RBFOX1: variants seen among roughly 807,000 people sequenced by gnomAD.
RBFOX1 encodes RNA binding protein fox-1 homolog 1.
A neutral mutation model predicts 57.7 loss-of-function variants in RBFOX1; 8 were observed. The observed-to-expected ratio is 0.14, with a 90% CI of 0.08 to 0.25. The LOEUF is 0.25. Ranked by LOEUF, RBFOX1 falls within the 10% of genes least tolerant of loss-of-function variation. The pLI is 1.00. For missense variants in RBFOX1, 611 were observed against 548.5 expected (o/e 1.11, Z -1.14); for synonymous variants, 326 against 222.4 (o/e 1.47, Z -4.15).
intron 2 of RBFOX1, among the ~76,000 whole-genome samples, chr16:6,634,728 GAT>G (rs1408507727): frequency 1.5e-5 from 2 of 136,766 alleles, no homozygotes; most frequent in Admixed American, 7.4e-5. Context: ...ATAATACAAA[GAT>G]ATATTTGTAT....
chr16:6,966,952 A>T (rs935792342), intron 3 of RBFOX1, among the ~76,000 whole-genome samples: 1 of 151,610 alleles, frequency 6.6e-6, no homozygotes, highest in African/African-American at 2.4e-5. Flanking sequence ...CCTACCTATT[A>T]TCTATTTGCC....
At chr16:7,154,796 A>C (rs935471764) in intron 4 of RBFOX1, among the ~76,000 whole-genome samples, 4 of 151,602 alleles carry the variant, frequency 2.6e-5, no homozygotes, top group African/African-American at 9.7e-5. Flanking sequence ...TACATATTTT[A>C]CCAAATGCTT....
At position 6,829,671 on chromosome 16, in the gene RBFOX1, G is replaced by T. The variant is rs567120684; in HGVS notation, c.-16+175021G>T. On this transcript the variant is annotated intron_variant, in intron 3 of 15. Coordinates refer to ENST00000550418, the MANE Select transcript of RBFOX1 (RefSeq NM_018723.4). Reference sequence around the variant, plus strand: ...TACGGCAGTGCAGGGGCGTGATCTTGGCTCACTACAACCTCCGTCTCCTGG... The same window carrying T: ...TACGGCAGTGCAGGGGCGTGATCTTTGCTCACTACAACCTCCGTCTCCTGG... Among the ~76,000 whole-genome samples, 48 of 152,076 alleles carry T rather than the reference G, an allele frequency of 3.2e-4. No homozygotes were observed. In the South Asian group the frequency reaches 8.7e-3, roughly 28 times the overall value.
intron 1 of RBFOX1, among the ~76,000 whole-genome samples, chr16:6,248,116 A>G (rs1251427319): frequency 2.0e-5 from 3 of 152,196 alleles, no homozygotes; most frequent in Admixed American, 1.3e-4. Context: ...CTTCCATAAT[A>G]GGAGCCAGTG....
intron 2 of RBFOX1, among the ~76,000 whole-genome samples, chr16:5,544,728 CTA>C (rs1384374728): frequency 6.6e-6 from 1 of 152,040 alleles, no homozygotes; most frequent in Admixed American, 6.6e-5. Context: ...TAAGGCATAA[CTA>C]TATCTTAAAG....
intron 4 of RBFOX1, among the ~76,000 whole-genome samples, chr16:7,159,628 C>G (rs1022239787): frequency 6.6e-6 from 1 of 152,154 alleles, no homozygotes; most frequent in African/African-American, 2.4e-5. Context: ...TCCCGCTTAT[C>G]GTGTGTGTTT....
intron 4 of RBFOX1, among the ~76,000 whole-genome samples, chr16:7,445,322 C>A (rs887923882): frequency 2.6e-5 from 4 of 152,140 alleles, no homozygotes; most frequent in African/African-American, 9.7e-5. Flanking sequence ...AGCTTCTGAA[C>A]AATAGCACTC....
At chr16:7,471,430 C>A (rs1474543110) in intron 4 of RBFOX1, among the ~76,000 whole-genome samples, 1 of 152,092 alleles carries the variant, frequency 6.6e-6, no homozygotes, top group Non-Finnish European at 1.5e-5. Context: ...AAAGTTTGCA[C>A]CACCTGATGT....
intron 2 of RBFOX1, among the ~76,000 whole-genome samples, chr16:6,652,142 G>C (rs1198949752): frequency 6.6e-6 from 1 of 152,080 alleles, no homozygotes; most frequent in Non-Finnish European, 1.5e-5. Context: ...AATCCAATAG[G>C]ATTGGTGGCC....
At chr16:5,464,713 G>T (rs935879099) in intron 1 of RBFOX1, among the ~76,000 whole-genome samples, 2 of 152,214 alleles carry the variant, frequency 1.3e-5, no homozygotes, top group African/African-American at 4.8e-5. Context: ...ATGGCAAGAA[G>T]CAAAGAAAAC....
chr16:5,536,730 A>G (rs1328122500), intron 2 of RBFOX1, among the ~76,000 whole-genome samples: 3 of 152,126 alleles, frequency 2.0e-5, no homozygotes, highest in African/African-American at 7.2e-5. Flanking sequence ...GAAATGGGTC[A>G]ACAGGGAGCA....
chr16:5,362,352 A>C (rs2065576536), intron 1 of RBFOX1, among the ~76,000 whole-genome samples: 1 of 151,854 alleles, frequency 6.6e-6, no homozygotes, highest in Admixed American at 6.6e-5. Flanking sequence ...CACCACGCCC[A>C]GATGGTTTTT....
intron 3 of RBFOX1, among the ~76,000 whole-genome samples, chr16:6,803,329 A>C (rs1833095847): frequency 1.3e-5 from 2 of 152,196 alleles, no homozygotes; most frequent in Non-Finnish European, 1.5e-5. Context: ...TTGGAAGCAG[A>C]AAACTACAGC....
intron 11 of RBFOX1, among the ~76,000 whole-genome samples, chr16:7,645,834 C>G (rs2063631630): frequency 6.6e-6 from 1 of 152,132 alleles, no homozygotes; most frequent in African/African-American, 2.4e-5. Flanking sequence ...ATGTGTGTTT[C>G]AGGGATAAAT....
chr16:5,988,678 T>C (rs567176065), intron 4 of RBFOX1, among the ~76,000 whole-genome samples: 9 of 152,332 alleles, frequency 5.9e-5, no homozygotes, highest in African/African-American at 2.2e-4. Flanking sequence ...GCTGGAGGAA[T>C]GAAAGGCCAG....
intron 1 of RBFOX1, among the ~76,000 whole-genome samples, chr16:6,180,712 C>G (rs1476014573): frequency 6.6e-6 from 1 of 151,750 alleles, no homozygotes; most frequent in Non-Finnish European, 1.5e-5. Flanking sequence ...ATTACAGGCA[C>G]CCGCCACCAC....
chr16:6,849,565 A>C (rs574047889), intron 3 of RBFOX1, among the ~76,000 whole-genome samples: 1 of 152,312 alleles, frequency 6.6e-6, no homozygotes, highest in African/African-American at 2.4e-5. Context: ...GCTACTCCAC[A>C]GGCTGAGACA....
chr16:7,287,375 G>A (rs768814427), intron 4 of RBFOX1, among the ~76,000 whole-genome samples: 16 of 152,170 alleles, frequency 1.1e-4, no homozygotes, highest in Non-Finnish European at 2.2e-4. Flanking sequence ...ATGGAGAGCA[G>A]CAGTGTGCAG....
chr16:5,962,079 C>CGCTT (rs2059761293), intron 4 of RBFOX1, among the ~76,000 whole-genome samples: 1 of 152,122 alleles, frequency 6.6e-6, no homozygotes, highest in South Asian at 2.1e-4. Context: ...ATCCAGCCAT[C>CGCTT]GCTTACATGT....
Sources: gnomAD v4.1 joint callset for allele counts (sites outside exome capture counted in the v4.1 genomes callset) on GRCh38, gnomAD v4.1.1 for gene constraint, MANE v1.5 for transcripts, NCBI Gene and HGNC (gene_info 2026-07-23, HGNC 2026-07-21) for gene names.